CDH13: variants seen among roughly 807,000 people sequenced by gnomAD.
CDH13 encodes cadherin-13.
CDH13 carries 24 observed loss-of-function variants against 63.8 expected under a neutral mutation model. The observed-to-expected ratio is 0.38, with a 90% CI of 0.27 to 0.53. CDH13 has a LOEUF of 0.53. CDH13 is among the 20% of genes least tolerant of loss of function. The pLI, the probability that CDH13 is intolerant of heterozygous loss-of-function variation, is 0.85. For missense variants in CDH13, 1,049 were observed against 903.1 expected (o/e 1.16, Z -2.07); for synonymous variants, 503 against 355.3 (o/e 1.42, Z -4.67).
chr16:83,465,757 C>G (rs143590783), intron 6 of CDH13, among the ~76,000 whole-genome samples: 3 of 152,306 alleles, frequency 2.0e-5, no homozygotes, highest in African/African-American at 7.2e-5. Flanking sequence ...AAAGTTGCCT[C>G]TTTTACTCTT....
At chr16:83,080,452 C>T (rs2033152135) in intron 3 of CDH13, among the ~76,000 whole-genome samples, 1 of 152,230 alleles carries the variant, frequency 6.6e-6, no homozygotes, top group African/African-American at 2.4e-5. Context: ...CCTCCTCCTG[C>T]ATCTGCCTGA....
intron 1 of CDH13, chr16:82,844,828 T>TG: frequency 6.8e-6 from 1 of 148,036 alleles, no homozygotes; most frequent in Non-Finnish European, 1.5e-5. Context: ...ATTTTTTTTT[T>TG]GTATCTTTAG....
At chr16:82,767,323 C>T (rs541417492) in intron 1 of CDH13, among the ~76,000 whole-genome samples, 10 of 152,290 alleles carry the variant, frequency 6.6e-5, no homozygotes, top group South Asian at 6.2e-4. Flanking sequence ...GCAAAAGTAA[C>T]CATTGCTCTG....
At chr16:83,302,082 C>T (rs565468253) in intron 5 of CDH13, among the ~76,000 whole-genome samples, 8 of 152,140 alleles carry the variant, frequency 5.3e-5, no homozygotes, top group Non-Finnish European at 1.2e-4. Flanking sequence ...GTCCTTACCT[C>T]ATGTTGTTGT....
At chr16:83,387,738 A>G (rs2091702806) in intron 6 of CDH13, among the ~76,000 whole-genome samples, 1 of 152,240 alleles carries the variant, frequency 6.6e-6, no homozygotes, top group Admixed American at 6.5e-5. Flanking sequence ...AATGGGGACC[A>G]GTGAGAAGAG....
chr16:82,715,738 G>C (rs1294033409), intron 1 of CDH13, among the ~76,000 whole-genome samples: 1 of 152,172 alleles, frequency 6.6e-6, no homozygotes, highest in African/African-American at 2.4e-5. Flanking sequence ...AGAAGAAAGA[G>C]GTGACAATGA....
intron 1 of CDH13, among the ~76,000 whole-genome samples, chr16:82,677,713 T>A (rs1029828602): frequency 3.9e-5 from 6 of 152,266 alleles, no homozygotes; most frequent in East Asian, 3.9e-4. Flanking sequence ...TGACAGATAT[T>A]TTTTAAAGGT....
chr16:83,387,791 A>C (rs1388790733), intron 6 of CDH13, among the ~76,000 whole-genome samples: 1 of 152,230 alleles, frequency 6.6e-6, no homozygotes, highest in Non-Finnish European at 1.5e-5. Flanking sequence ...TGGCTCCTAC[A>C]GCAGTCCCCC....
intron 5 of CDH13, among the ~76,000 whole-genome samples, chr16:83,228,438 G>T (rs894022907): frequency 6.6e-6 from 1 of 152,204 alleles, no homozygotes; most frequent in Non-Finnish European, 1.5e-5. Context: ...GGGCACCAGA[G>T]ATGAAGGAAG....
chr16:83,444,848 C>T (rs868688477), intron 6 of CDH13, among the ~76,000 whole-genome samples: 1 of 174 alleles, frequency 5.7e-3, no homozygotes, highest in Non-Finnish European at 0.071. Flanking sequence ...TTCCCCAAAT[C>T]AGCAAATCAG....
At chr16:82,804,855 T>C (rs1286550480) in intron 1 of CDH13, among the ~76,000 whole-genome samples, 1 of 152,182 alleles carries the variant, frequency 6.6e-6, no homozygotes, top group East Asian at 1.9e-4. Flanking sequence ...TTTAGAGAAA[T>C]AATCTAAGGG....
At chr16:83,120,455 G>A (rs2035514238) in intron 3 of CDH13, among the ~76,000 whole-genome samples, 1 of 152,162 alleles carries the variant, frequency 6.6e-6, no homozygotes, top group South Asian at 2.1e-4. Flanking sequence ...ATGACACGGT[G>A]TGCTTTGTCA....
At chr16:83,555,822 G>A (rs938940864) in intron 7 of CDH13, among the ~76,000 whole-genome samples, 4 of 152,172 alleles carry the variant, frequency 2.6e-5, no homozygotes, top group Admixed American at 6.5e-5. Context: ...TTGCAATTGA[G>A]GATTGTAAAC....
At chr16:83,754,553 G>A (rs1448609538) in intron 11 of CDH13, among the ~76,000 whole-genome samples, 2 of 152,136 alleles carry the variant, frequency 1.3e-5, no homozygotes, top group African/African-American at 4.8e-5. Flanking sequence ...CATGTGCTGT[G>A]GGAGGGACCC....
At chr16:82,996,668 A>C (rs1912236344) in intron 2 of CDH13, among the ~76,000 whole-genome samples, 1 of 152,218 alleles carries the variant, frequency 6.6e-6, no homozygotes, top group Non-Finnish European at 1.5e-5. Context: ...ACTTGGAAAT[A>C]TTAGGAAATT....
At chr16:83,122,028 A>T (rs1172933015) in intron 3 of CDH13, among the ~76,000 whole-genome samples, 1 of 152,172 alleles carries the variant, frequency 6.6e-6, no homozygotes, top group African/African-American at 2.4e-5. Context: ...AGATGGAATG[A>T]AACTATCATT....
At chr16:82,857,653 G>A (rs1024330372) in intron 1 of CDH13, among the ~76,000 whole-genome samples, 9 of 152,116 alleles carry the variant, frequency 5.9e-5, no homozygotes, top group Admixed American at 5.9e-4. Flanking sequence ...AAGTTTTATA[G>A]TAGCCAAGTT....
chr16:83,383,256 GC>G (rs1450993018), intron 6 of CDH13: 2 of 152,160 alleles, frequency 1.3e-5, no homozygotes, highest in African/African-American at 2.4e-5. Context: ...ACCTGCTGGG[GC>G]ACACACAACC....
intron 5 of CDH13, among the ~76,000 whole-genome samples, chr16:83,276,794 A>G (rs958976281): frequency 6.6e-6 from 1 of 152,136 alleles, no homozygotes; most frequent in Non-Finnish European, 1.5e-5. Flanking sequence ...TGGCATGAAC[A>G]TGGGAGGTGG....
Sources: gnomAD v4.1 joint callset for allele counts (sites outside exome capture counted in the v4.1 genomes callset) on GRCh38, gnomAD v4.1.1 for gene constraint, MANE v1.5 for transcripts, NCBI Gene and HGNC (gene_info 2026-07-23, HGNC 2026-07-21) for gene names.